Variants in TANC1 observed in about 807,000 individuals in gnomAD.
TANC1 encodes the protein tetratricopeptide repeat, ankyrin repeat and coiled-coil containing 1.
In TANC1, 77 loss-of-function variants were observed where a neutral mutation model predicts 149.7. That is an observed-to-expected ratio of 0.51 (90% CI 0.43 to 0.62). TANC1 has a LOEUF of 0.62. Ranked by LOEUF, TANC1 falls within the 20% of genes least tolerant of loss-of-function variation. The pLI is 0.00. For missense variants in TANC1, 1,985 were observed against 2,321.8 expected (o/e 0.85, Z 2.98); for synonymous variants, 854 against 925.0 (o/e 0.92, Z 1.39).
intron 2 of TANC1, among the ~76,000 whole-genome samples, chr2:159,041,754 A>T (rs1574292413): frequency 1.3e-5 from 2 of 152,232 alleles, no homozygotes; most frequent in Admixed American, 1.3e-4. Flanking sequence ...TGAGGTGATG[A>T]CCTGCCCTGC....
intron 4 of TANC1, among the ~76,000 whole-genome samples, chr2:159,130,240 G>A (rs752738428): frequency 2.0e-5 from 3 of 152,172 alleles, no homozygotes; most frequent in Non-Finnish European, 4.4e-5. Flanking sequence ...GGAATATCAT[G>A]CTTTCTGGGT....
intron 3 of TANC1, among the ~76,000 whole-genome samples, chr2:159,086,098 C>A (rs1057438355): frequency 1.3e-5 from 2 of 152,050 alleles, no homozygotes; most frequent in African/African-American, 4.8e-5. Context: ...TTAACATAGA[C>A]GTGACAGGTG....
intron 19 of TANC1, among the ~76,000 whole-genome samples, chr2:159,216,753 T>C (rs7588616): frequency 0.19 from 29,099 of 152,034 alleles, 4,126 homozygotes; most frequent in East Asian, 0.48. Context: ...CGTGTTCACT[T>C]GGGCCCTCTA....
chr2:159,025,270 CCTTTT>C (rs1392163236), intron 2 of TANC1, among the ~76,000 whole-genome samples: 16 of 122,366 alleles, frequency 1.3e-4, no homozygotes, highest in African/African-American at 4.3e-4. Context: ...TTCCTTTTTT[CCTTTT>C]CTTTTCTTTT....
intron 4 of TANC1, among the ~76,000 whole-genome samples, chr2:159,104,847 GCCACTGCA>G (rs2047003694): frequency 8.5e-6 from 1 of 117,300 alleles, no homozygotes; most frequent in African/African-American, 2.7e-5. Context: ...ACAGGCATGA[GCCACTGCA>G]CCCAGCTCTT....
chr2:159,039,430 T>C (rs2040455702), intron 2 of TANC1, among the ~76,000 whole-genome samples: 1 of 152,226 alleles, frequency 6.6e-6, no homozygotes, highest in Admixed American at 6.5e-5. Context: ...TCTAGTTCTT[T>C]TAATTGTGAT....
At chr2:159,179,236 T>C in intron 14 of TANC1, 73 bp downstream of exon 14, 1 of 1,520,756 alleles carries the variant, frequency 6.6e-7, no homozygotes, top group South Asian at 1.3e-5. Context: ...TTAAATGTGA[T>C]GCACGTGTCT....
chr2:159,219,831 C>G lies in TANC1; in HGVS notation c.3642C>G (p.Pro1214=). The G allele has an allele frequency of 6.2e-7, 1 of 1,613,658 alleles. No individual in the cohort carries two copies. ...AGACAGACAAGAATGGCCGCACACC[C>G]TTGGACCTGGCTGCCTTCTATGGCG... is the stretch of plus-strand genomic sequence containing the variant. The part of the protein sequence containing the change: ...IDQTDKNGRT[P]LDLAAFYGDA... The change falls in exon 22 of 27, where the codon CCC becomes CCG. Residue 1214 remains proline (P), a synonymous_variant. Transcript: ENST00000263635.
At chr2:159,168,342 C>T (rs568944951) in intron 8 of TANC1, among the ~76,000 whole-genome samples, 1 of 150,314 alleles carries the variant, frequency 6.7e-6, no homozygotes, top group East Asian at 1.9e-4. Flanking sequence ...CTCTGTCACC[C>T]AGGCTGGAGT....
intron 2 of TANC1, among the ~76,000 whole-genome samples, chr2:159,030,742 C>T (rs1361259383): frequency 6.6e-6 from 1 of 152,176 alleles, no homozygotes; most frequent in Non-Finnish European, 1.5e-5. Context: ...CATTTTTTGA[C>T]AGCTAAGATC....
chr2:159,228,789 AC>A lies in TANC1; in HGVS notation c.4051-6del. ...CTTCTGACTCCTGTATTTCTTGTCG[AC>A]ACCAGGACTTTGGCATGGCAGAGGA... On this transcript the variant is annotated splice_region_variant and splice_polypyrimidine_tract_variant and intron_variant, in intron 25 of 26. Coordinates refer to ENST00000263635, the MANE Select transcript of TANC1 (RefSeq NM_033394.3). 6.2e-7 allele frequency: 1 copy of A among 1,610,924 alleles called. No homozygotes were observed. The highest frequency in any genetic ancestry group is 1.1e-5 in the South Asian group (1 of 91,012).
chr2:158,976,850 T>C (rs2033736792), intron 1 of TANC1, among the ~76,000 whole-genome samples: 1 of 152,102 alleles, frequency 6.6e-6, no homozygotes, highest in African/African-American at 2.4e-5. Flanking sequence ...CACTGAACTC[T>C]AGCCTCGGCG....
At chr2:159,190,826 A>G (rs951795703) in intron 16 of TANC1, among the ~76,000 whole-genome samples, 1 of 152,258 alleles carries the variant, frequency 6.6e-6, no homozygotes. Flanking sequence ...TGTTGGGATT[A>G]CAGGCGTGAG....
At chr2:159,110,962 C>T (rs780717528) in intron 4 of TANC1, among the ~76,000 whole-genome samples, 5 of 152,234 alleles carry the variant, frequency 3.3e-5, no homozygotes, top group Non-Finnish European at 7.3e-5. Flanking sequence ...GTGGGTTCCA[C>T]TTCTAGCCCT....
chr2:158,983,476 A>AAAAAAAAACAAAC (rs1330036674), intron 1 of TANC1, among the ~76,000 whole-genome samples: 10 of 151,296 alleles, frequency 6.6e-5, no homozygotes, highest in Non-Finnish European at 1.5e-4. Context: ...CCCAAAAAAA[A>AAAAAAAAACAAAC]AAAAAAAAAA....
At chr2:159,122,138 A>G (rs1392285012) in intron 4 of TANC1, among the ~76,000 whole-genome samples, 2 of 152,168 alleles carry the variant, frequency 1.3e-5, no homozygotes, top group South Asian at 2.1e-4. Context: ...GGGTTTCACC[A>G]TATTACCCAG....
rs565599313 is a variant in TANC1 at position 159,074,906 on chromosome 2, A to C, written c.61+8935A>C. Among the ~76,000 whole-genome samples the C allele has an allele frequency of 3.9e-4, 59 of 152,200 alleles. 2 individuals carry two copies. The South Asian group carries it at 0.011, about 29-fold the overall frequency. On this transcript the variant is annotated intron_variant, in intron 3 of 26. Transcript: ENST00000263635. ...AGACAGGGATAGCAAGTTTTCTGGT[A>C]TCTCTTCTTATAAGAGCGCTAATCT...
chr2:159,074,913 CTTA>C (rs2043507851), intron 3 of TANC1, among the ~76,000 whole-genome samples: 1 of 152,064 alleles, frequency 6.6e-6, no homozygotes, highest in African/African-American at 2.4e-5. Flanking sequence ...GGTATCTCTT[CTTA>C]TAAGAGCGCT....
At chr2:159,091,942 T>G (rs2045584716) in intron 3 of TANC1, among the ~76,000 whole-genome samples, 1 of 146,644 alleles carries the variant, frequency 6.8e-6, no homozygotes, top group Non-Finnish European at 1.5e-5. Context: ...GGAAGAAATC[T>G]TTCAGTTTTC....
Sources: gnomAD v4.1 joint callset for allele counts (sites outside exome capture counted in the v4.1 genomes callset) on GRCh38, gnomAD v4.1.1 for gene constraint, MANE v1.5 for transcripts, NCBI Gene and HGNC (gene_info 2026-07-23, HGNC 2026-07-21) for gene names.